Variants in SEMA3E observed in about 807,000 individuals in gnomAD.
SEMA3E encodes the protein semaphorin 3E.
Under a neutral mutation model 93.6 loss-of-function variants are expected in SEMA3E, and 49 were observed. The ratio of observed to expected loss-of-function variants is 0.52; its 90% CI spans 0.42 to 0.66. SEMA3E has a LOEUF of 0.66. Among genes scored for constraint, SEMA3E ranks in the 30% least tolerant of loss-of-function variants. The pLI is 0.00. For missense variants in SEMA3E, 906 were observed against 964.8 expected (o/e 0.94, Z 0.81); for synonymous variants, 363 against 330.7 (o/e 1.10, Z -1.06).
intron 1 of SEMA3E, among the ~76,000 whole-genome samples, chr7:83,500,403 T>A (rs1790572622): frequency 6.6e-6 from 1 of 151,652 alleles, no homozygotes. Context: ...GCCACTACAC[T>A]GCAGCCTGGG....
At chr7:83,544,792 T>C (rs1441119079) in intron 1 of SEMA3E, among the ~76,000 whole-genome samples, 2 of 151,902 alleles carry the variant, frequency 1.3e-5, no homozygotes. Context: ...TGTAGTTTCA[T>C]ATTGTTTCCA....
chr7:83,486,177 T>C (rs899322505), intron 2 of SEMA3E, among the ~76,000 whole-genome samples: 9 of 152,240 alleles, frequency 5.9e-5, no homozygotes, highest in African/African-American at 1.7e-4. Context: ...ATCATATGTT[T>C]GTCTTCATTT....
At chr7:83,633,438 C>T (rs1793825392) in intron 1 of SEMA3E, among the ~76,000 whole-genome samples, 1 of 152,112 alleles carries the variant, frequency 6.6e-6, no homozygotes, top group South Asian at 2.1e-4. Flanking sequence ...CTAAATAGTG[C>T]TTAACATTGG....
chr7:83,621,337 A>C (rs1332834732), intron 1 of SEMA3E, among the ~76,000 whole-genome samples: 1 of 152,170 alleles, frequency 6.6e-6, no homozygotes, highest in African/African-American at 2.4e-5. Context: ...TGCTCAATGA[A>C]ATCAGAGAGG....
intron 1 of SEMA3E, among the ~76,000 whole-genome samples, chr7:83,609,447 TA>T (rs1421119709): frequency 6.6e-6 from 1 of 152,070 alleles, no homozygotes; most frequent in Non-Finnish European, 1.5e-5. Flanking sequence ...GTGAATATTT[TA>T]GGTACATTTC....
chr7:83,643,377 A>T (rs302122), intron 1 of SEMA3E, among the ~76,000 whole-genome samples: 55,341 of 151,864 alleles, frequency 0.36, 11,005 homozygotes, highest in Non-Finnish European at 0.44. Flanking sequence ...GTAAAGCTGA[A>T]AAAATGATTT....
intron 4 of SEMA3E, among the ~76,000 whole-genome samples, chr7:83,440,352 G>A (rs1789088405): frequency 1.3e-5 from 2 of 152,066 alleles, no homozygotes; most frequent in South Asian, 4.1e-4. Flanking sequence ...AATATTCTAG[G>A]ATGCTTTTCC....
At chr7:83,456,338 T>C (rs2115838491) in intron 4 of SEMA3E, among the ~76,000 whole-genome samples, 1 of 152,262 alleles carries the variant, frequency 6.6e-6, no homozygotes, top group Admixed American at 6.5e-5. Context: ...AGTTTATATT[T>C]GTATCACTTG....
Position 83,366,963 on chromosome 7 carries a change from T to C in SEMA3E, c.*623A>G, listed in dbSNP as rs1488716988. ...TGAGTGAAAATTAAAGACTGTGTTA[T>C]AAAGCAAAAATAGTGTGAATGTACT... On this transcript the variant is annotated 3_prime_UTR_variant, in exon 17 of 17. Transcript: ENST00000643230. 1 of 152,406 alleles carries C rather than the reference T, an allele frequency of 6.6e-6. No homozygotes were observed. Among genetic ancestry groups the C allele is most frequent in the Non-Finnish European group, 1.5e-5 (1 of 68,170 alleles). 9.4% of individuals were successfully genotyped at this position (152,406 alleles called of 1,614,324 possible). A position where few individuals can be genotyped will look rare whatever the true frequency, so the allele number is the denominator to read the frequency against.
At chr7:83,603,049 C>T (rs796617464) in intron 1 of SEMA3E, among the ~76,000 whole-genome samples, 6 of 152,122 alleles carry the variant, frequency 3.9e-5, no homozygotes, top group African/African-American at 1.2e-4. Flanking sequence ...ATTTTTATTG[C>T]TTTATGCGTA....
intron 1 of SEMA3E, among the ~76,000 whole-genome samples, chr7:83,528,290 A>T (rs961375053): frequency 6.6e-6 from 1 of 152,172 alleles, no homozygotes; most frequent in Non-Finnish European, 1.5e-5. Context: ...AACTTGAAAT[A>T]TCAAAAATCA....
chr7:83,426,581 A>T (rs1221776081), intron 4 of SEMA3E, among the ~76,000 whole-genome samples: 1 of 152,184 alleles, frequency 6.6e-6, no homozygotes, highest in African/African-American at 2.4e-5. Context: ...GACTATTCTC[A>T]GTACCTGGCG....
chr7:83,520,075 T>A (rs1791013414), intron 1 of SEMA3E, among the ~76,000 whole-genome samples: 1 of 152,182 alleles, frequency 6.6e-6, no homozygotes, highest in Admixed American at 6.6e-5. Flanking sequence ...TGATATTCAT[T>A]TGTCATTGGC....
At chr7:83,442,330 C>T (rs1296610380) in intron 4 of SEMA3E, among the ~76,000 whole-genome samples, 1 of 152,122 alleles carries the variant, frequency 6.6e-6, no homozygotes, top group East Asian at 1.9e-4. Context: ...TTTCCTTAGC[C>T]CCAAGGTTTG....
At chr7:83,402,865 G>C (rs1016655749) in intron 9 of SEMA3E, 89 bp from the exon 10 acceptor site, 51 of 1,305,056 alleles carry the variant, frequency 3.9e-5, no homozygotes, top group Non-Finnish European at 5.4e-5. Context: ...TAAGAGTCAA[G>C]TCTTTTGGGT....
chr7:83,526,410 G>T (rs1193963772), intron 1 of SEMA3E, among the ~76,000 whole-genome samples: 2 of 152,066 alleles, frequency 1.3e-5, no homozygotes, highest in African/African-American at 4.8e-5. Context: ...TATTTTCAGG[G>T]ATATTGGAGA....
intron 4 of SEMA3E, among the ~76,000 whole-genome samples, chr7:83,465,791 AAAATATAC>A (rs1356891507): frequency 6.6e-6 from 1 of 152,218 alleles, no homozygotes. Context: ...AGAGTGCTTC[AAAATATAC>A]TTAAAAGTAA....
At chr7:83,626,370 C>A (rs2115653027) in intron 1 of SEMA3E, among the ~76,000 whole-genome samples, 1 of 152,222 alleles carries the variant, frequency 6.6e-6, no homozygotes, top group Non-Finnish European at 1.5e-5. Flanking sequence ...TTAATTACTG[C>A]CTTAATTTCA....
chr7:83,407,778 G>A (rs1788357487), intron 6 of SEMA3E, among the ~76,000 whole-genome samples: 1 of 151,968 alleles, frequency 6.6e-6, no homozygotes, highest in African/African-American at 2.4e-5. Context: ...TCTTTGATAT[G>A]GTATGTAAAA....
Sources: gnomAD v4.1 joint callset for allele counts (sites outside exome capture counted in the v4.1 genomes callset) on GRCh38, gnomAD v4.1.1 for gene constraint, MANE v1.5 for transcripts, NCBI Gene and HGNC (gene_info 2026-07-23, HGNC 2026-07-21) for gene names.